Variants in RIC1 observed in about 807,000 individuals in gnomAD.
The protein encoded by RIC1 is RIC1 partner of RAB6A GEF complex, also known as guanine nucleotide exchange factor subunit RIC1.
In RIC1, 88 loss-of-function variants were observed where a neutral mutation model predicts 169.0. The observed-to-expected ratio is 0.52, with a 90% confidence interval of 0.44 to 0.62. RIC1 has a LOEUF of 0.62. RIC1 is among the 20% of genes least tolerant of loss of function. RIC1 has a pLI of 0.00. For missense variants in RIC1, 1,877 were observed against 1,725.5 expected (o/e 1.09, Z -1.56); for synonymous variants, 790 against 601.5 (o/e 1.31, Z -4.59).
At chr9:5,670,251 A>C (rs1014782514) in intron 2 of RIC1, among the ~76,000 whole-genome samples, 3 of 152,216 alleles carry the variant, frequency 2.0e-5, no homozygotes, top group African/African-American at 7.2e-5. Flanking sequence ...ACCCTATGTA[A>C]CTGCCAAGAG....
At chr9:5,739,047 A>G (rs189658606) in intron 8 of RIC1, among the ~76,000 whole-genome samples, 1 of 152,278 alleles carries the variant, frequency 6.6e-6, no homozygotes, top group East Asian at 1.9e-4. Flanking sequence ...AGAGAAGTGC[A>G]ATTATAGGGT....
At position 5,689,961 on chromosome 9, in the gene RIC1, G is replaced by T. The variant is rs770628081; in HGVS notation, c.255G>T (p.Thr85=). Residue 85 remains threonine (T), a splice_region_variant and synonymous_variant, in exon 3 of 26, where the codon ACG becomes ACT. Coordinates refer to ENST00000414202, the MANE Select transcript of RIC1 (RefSeq NM_020829.4). ...GATTAATAAAATTTCTCTTTCAGAC[G>T]GCAAATGGATACATCTTGTTTTTTC... is the stretch of plus-strand genomic sequence containing the variant. ...RPDSTMIAVS[T]ANGYILFFHI... is the part of the protein sequence containing the mutation. 6.3e-7 allele frequency: 1 copy of T among 1,587,356 alleles called. No homozygotes were observed. Among genetic ancestry groups the T allele is most frequent in the Non-Finnish European group, 8.6e-7 (1 of 1,164,354 alleles).
At chr9:5,773,431 G>C (rs1173588308) in intron 25 of RIC1, among the ~76,000 whole-genome samples, 2 of 152,116 alleles carry the variant, frequency 1.3e-5, no homozygotes, top group Non-Finnish European at 2.9e-5. Context: ...ATATCTACTT[G>C]AAAAGATTCA....
In RIC1 at chr9:5,687,723, C is replaced by G. The variant is rs959700725; in HGVS notation, c.253-2236C>G. 1.4e-4 allele frequency among the ~76,000 whole-genome samples: 21 copies of G among 152,262 alleles called. 1 individual carries two copies. In the East Asian group the frequency reaches 4.0e-3, roughly 29 times the overall value. On this transcript the variant is annotated intron_variant, in intron 2 of 25. Coordinates refer to ENST00000414202, the MANE Select transcript of RIC1 (RefSeq NM_020829.4). ...TACACACGGTATAAACCCCAGCATA[C>G]ACTGCTATTATTCTTGTTTTAAAGC...
intron 9 of RIC1, among the ~76,000 whole-genome samples, chr9:5,743,272 T>C (rs896679239): frequency 2.6e-5 from 4 of 152,164 alleles, no homozygotes; most frequent in African/African-American, 9.7e-5. Flanking sequence ...CAAAGCAGAA[T>C]CAGGCATGGT....
At chr9:5,722,889 A>G (rs1008954045) in intron 6 of RIC1, among the ~76,000 whole-genome samples, 1 of 152,194 alleles carries the variant, frequency 6.6e-6, no homozygotes, top group East Asian at 1.9e-4. Flanking sequence ...ACATGAACTC[A>G]TCCTTTTTTA....
chr9:5,632,449 A>G (rs527705158), intron 1 of RIC1, among the ~76,000 whole-genome samples: 3 of 152,296 alleles, frequency 2.0e-5, no homozygotes, highest in South Asian at 4.1e-4. Flanking sequence ...GTTTAGACTC[A>G]TATCTCTTCA....
At chr9:5,707,535 A>G (rs894002651) in intron 3 of RIC1, among the ~76,000 whole-genome samples, 4 of 151,938 alleles carry the variant, frequency 2.6e-5, no homozygotes, top group Non-Finnish European at 5.9e-5. Flanking sequence ...TCATATATTA[A>G]TATTTTGTGG....
chr9:5,667,475 A>G (rs1380592023), intron 2 of RIC1, among the ~76,000 whole-genome samples: 1 of 121,828 alleles, frequency 8.2e-6, no homozygotes, highest in Non-Finnish European at 1.8e-5. Flanking sequence ...CATTTAGGTT[A>G]TTTATTTGAA....
intron 15 of RIC1, 107 bp from the exon 16 acceptor site, chr9:5,756,104 TA>T (rs370435478): frequency 0.24 from 106,806 of 453,692 alleles, 132 homozygotes; most frequent in Middle Eastern, 0.29. Flanking sequence ...CTCCTGTTAC[TA>T]AAAAAAAAAA....
intron 3 of RIC1, among the ~76,000 whole-genome samples, chr9:5,692,477 T>C (rs1329876886): frequency 6.6e-6 from 1 of 152,102 alleles, no homozygotes; most frequent in African/African-American, 2.4e-5. Flanking sequence ...TTTTTAAATA[T>C]ATACATATAT....
At chr9:5,712,777 C>G (rs1238141748) in intron 3 of RIC1, 2 of 152,200 alleles carry the variant, frequency 1.3e-5, no homozygotes, top group Non-Finnish European at 1.5e-5. Context: ...AAACTAATTA[C>G]TTTCATGTCC....
chr9:5,701,351 C>T (rs1397775455), intron 3 of RIC1, among the ~76,000 whole-genome samples: 1 of 152,116 alleles, frequency 6.6e-6, no homozygotes, highest in East Asian at 1.9e-4. Flanking sequence ...TGGCTCACGC[C>T]TGCAATCTCA....
Position 5,747,354 on chromosome 9 carries a change from G to C in RIC1, c.1301G>C (p.Cys434Ser). The change falls in exon 12 of 26, where the codon TGT becomes TCT. Residue 434 changes from cysteine (C) to serine (S), a missense_variant. Physicochemically the swap from Cys to Ser is moderately radical, Grantham distance 112 (BLOSUM62 -1). Transcript: ENST00000414202. ...LQGEDRLYLN[C>S]GEASQTQNPR... ...GGTGAGGATCGCTTGTACTTGAACT[G>C]TGGAGAGGCTTCACAAACCCAGAAT... The C allele has an allele frequency of 2.5e-6, 4 of 1,614,066 alleles. No individual in the cohort carries two copies. The highest frequency in any genetic ancestry group is 3.4e-6 in the Non-Finnish European group (4 of 1,179,958).
At chr9:5,737,945 C>G (rs1029544688) in intron 7 of RIC1, among the ~76,000 whole-genome samples, 1 of 151,890 alleles carries the variant, frequency 6.6e-6, no homozygotes, top group African/African-American at 2.4e-5. Flanking sequence ...GTTGAGTAGG[C>G]TTGAGGAAGA....
chr9:5,652,747 A>G (rs1818875976), intron 1 of RIC1, among the ~76,000 whole-genome samples: 1 of 152,046 alleles, frequency 6.6e-6, no homozygotes, highest in Non-Finnish European at 1.5e-5. Flanking sequence ...ACTGCGTTGA[A>G]TAAAAGTGGT....
At chr9:5,716,940 G>A (rs1372151871) in intron 4 of RIC1, among the ~76,000 whole-genome samples, 1 of 152,094 alleles carries the variant, frequency 6.6e-6, no homozygotes, top group Non-Finnish European at 1.5e-5. Context: ...CTAGTAGCTG[G>A]GATTATAGGC....
intron 7 of RIC1, among the ~76,000 whole-genome samples, chr9:5,734,582 G>A (rs544462876): frequency 2.4e-4 from 35 of 143,346 alleles, no homozygotes; most frequent in Admixed American, 8.7e-4. Flanking sequence ...ATACAAAGTA[G>A]TACATAATCC....
At chr9:5,668,290 G>A (rs1819899800) in intron 2 of RIC1, among the ~76,000 whole-genome samples, 1 of 152,162 alleles carries the variant, frequency 6.6e-6, no homozygotes, top group Non-Finnish European at 1.5e-5. Context: ...TGGGGACACA[G>A]CCAAACCATA....
Sources: gnomAD v4.1 joint callset for allele counts (sites outside exome capture counted in the v4.1 genomes callset) on GRCh38, gnomAD v4.1.1 for gene constraint, MANE v1.5 for transcripts, NCBI Gene and HGNC (gene_info 2026-07-23, HGNC 2026-07-21) for gene names.